Variants in ATG5 observed in about 807,000 individuals in gnomAD.
ATG5 encodes autophagy protein 5.
A neutral mutation model predicts 36.5 loss-of-function variants in ATG5; 14 were observed. The observed-to-expected ratio is 0.38, with a 90% CI of 0.25 to 0.60. ATG5 has a LOEUF of 0.60. Among genes scored for constraint, ATG5 ranks in the 20% least tolerant of loss-of-function variants. ATG5 has a pLI of 0.60. For synonymous variants in ATG5, 95 were observed against 101.5 expected (o/e 0.94, Z 0.38); for missense variants, 195 against 326.7 (o/e 0.60, Z 3.11).
chr6:106,252,673 C>T (rs916647718), intron 5 of ATG5, among the ~76,000 whole-genome samples: 1 of 152,166 alleles, frequency 6.6e-6, no homozygotes, highest in Admixed American at 6.5e-5. Context: ...TGTCTAAAAT[C>T]CCCCACGGGA....
intron 6 of ATG5, among the ~76,000 whole-genome samples, chr6:106,213,755 T>C (rs1776940014): frequency 6.6e-6 from 1 of 152,144 alleles, no homozygotes; most frequent in Non-Finnish European, 1.5e-5. Flanking sequence ...ACATCAACCT[T>C]TGGGAGTACT....
intron 5 of ATG5, among the ~76,000 whole-genome samples, chr6:106,251,975 G>A (rs1778610678): frequency 6.6e-6 from 1 of 151,910 alleles, no homozygotes; most frequent in South Asian, 2.1e-4. Flanking sequence ...CAAGTAGCTG[G>A]GGTTATAGGC....
rs752779737 is a variant in ATG5 at position 106,202,033 on chromosome 6, T to C, written c.630A>G (p.Gly210=). Residue 210 remains glycine, a synonymous_variant, in exon 7 of 8, where the codon GGA becomes GGG. Coordinates refer to ENST00000369076, the MANE Select transcript of ATG5 (RefSeq NM_004849.4). The part of the protein sequence containing the change: ...QKLFRPVAAD[G]QLHTLGDLLK... ...GGAGATCTCCTAGTGTGTGCAACTG[T>C]CCATCTGCAGCCACAGGACGAAACA... The C allele has an allele frequency of 1.7e-5, 28 of 1,613,900 alleles. No homozygotes were observed. The highest frequency in any genetic ancestry group is 2.4e-5 in the Non-Finnish European group (28 of 1,179,948).
intron 5 of ATG5, among the ~76,000 whole-genome samples, chr6:106,258,812 G>C (rs1008649471): frequency 6.6e-6 from 1 of 152,110 alleles, no homozygotes; most frequent in South Asian, 2.1e-4. Context: ...AAATTCCAGG[G>C]TTCTATGCTT....
At chr6:106,231,124 G>C (rs1001259973) in intron 6 of ATG5, among the ~76,000 whole-genome samples, 1 of 152,090 alleles carries the variant, frequency 6.6e-6, no homozygotes, top group Non-Finnish European at 1.5e-5. Flanking sequence ...CCCTCCAAGC[G>C]GTGGGAGGAG....
intron 7 of ATG5, among the ~76,000 whole-genome samples, chr6:106,201,268 AGTGTATATGT>A (rs1335658294): frequency 8.8e-4 from 98 of 111,144 alleles, no homozygotes; most frequent in Non-Finnish European, 1.3e-3. Flanking sequence ...CAAGTATTCA[AGTGTATATGT>A]GTGTGTGTGT....
chr6:106,296,685 G>A (rs902963977), intron 3 of ATG5, among the ~76,000 whole-genome samples: 2 of 152,154 alleles, frequency 1.3e-5, no homozygotes, highest in Non-Finnish European at 2.9e-5. Flanking sequence ...GGGCGTGGTC[G>A]CATGTGTCTG....
chr6:106,250,804 G>T (rs928951762), intron 5 of ATG5, among the ~76,000 whole-genome samples: 3 of 152,156 alleles, frequency 2.0e-5, no homozygotes, highest in Non-Finnish European at 4.4e-5. Flanking sequence ...ACTGGAAAAA[G>T]AAACATGATT....
At position 106,318,625 on chromosome 6, in the gene ATG5, A is replaced by T. The variant is rs539351427; in HGVS notation, c.-58-2359T>A. On this transcript the variant is annotated intron_variant, in intron 1 of 7. Coordinates refer to ENST00000369076, the MANE Select transcript of ATG5 (RefSeq NM_004849.4). ...GTTGCTTACATGTATATTTTTTGCAAGACCTCAAGGGAAGAACTAACTCAG... is the reference window on the plus strand; with the variant it reads ...GTTGCTTACATGTATATTTTTTGCATGACCTCAAGGGAAGAACTAACTCAG... Among the ~76,000 whole-genome samples the T allele has an allele frequency of 2.0e-5, 3 of 152,318 alleles. No individual in the cohort carries two copies. In the East Asian group the frequency reaches 5.8e-4, roughly 29 times the overall value.
chr6:106,216,973 AG>A (rs1777065463), intron 6 of ATG5, among the ~76,000 whole-genome samples: 1 of 151,226 alleles, frequency 6.6e-6, no homozygotes, highest in Non-Finnish European at 1.5e-5. Context: ...AAAAAAAAAA[AG>A]TTATCATATG....
intron 6 of ATG5, among the ~76,000 whole-genome samples, chr6:106,215,879 A>T (rs117781745): frequency 0.011 from 1,710 of 152,344 alleles, 19 homozygotes; most frequent in Middle Eastern, 0.041. Flanking sequence ...ACTATTCAGA[A>T]TATGTAAAGA....
At chr6:106,272,887 ATGGAAG>A (rs1240846152) in intron 5 of ATG5, among the ~76,000 whole-genome samples, 1 of 152,256 alleles carries the variant, frequency 6.6e-6, no homozygotes, top group African/African-American at 2.4e-5. Context: ...ATTTGTGGCA[ATGGAAG>A]AAAGAAAAAT....
At chr6:106,194,102 G>A (rs1040744346) in intron 7 of ATG5, among the ~76,000 whole-genome samples, 16 of 152,118 alleles carry the variant, frequency 1.1e-4, no homozygotes, top group Non-Finnish European at 1.9e-4. Context: ...CATTATTATT[G>A]CCCAAATCAA....
At chr6:106,188,639 G>T (rs1385458288) in intron 7 of ATG5, among the ~76,000 whole-genome samples, 1 of 152,196 alleles carries the variant, frequency 6.6e-6, no homozygotes, top group African/African-American at 2.4e-5. Context: ...TTGTACAACA[G>T]AAGCTGGAGG....
At chr6:106,321,329 T>C (rs1024300471) in intron 1 of ATG5, among the ~76,000 whole-genome samples, 22 of 152,100 alleles carry the variant, frequency 1.4e-4, no homozygotes, top group African/African-American at 5.1e-4. Context: ...CCCTCCTCTT[T>C]TGGCCAACTC....
chr6:106,189,153 ACCATGG>A (rs1231646548), intron 7 of ATG5, among the ~76,000 whole-genome samples: 2 of 152,218 alleles, frequency 1.3e-5, no homozygotes, highest in Admixed American at 1.3e-4. Flanking sequence ...AGCTAGCCCT[ACCATGG>A]AGAATAACTC....
intron 5 of ATG5, among the ~76,000 whole-genome samples, chr6:106,249,926 C>T (rs1176951157): frequency 6.6e-6 from 1 of 152,226 alleles, no homozygotes; most frequent in Non-Finnish European, 1.5e-5. Context: ...TATCAAATCA[C>T]TTTCCCTTTT....
rs574439714 is a variant in ATG5 at position 106,221,573 on chromosome 6, C to T, written c.574-19484G>A. On this transcript the variant is annotated intron_variant, in intron 6 of 7. Coordinates refer to ENST00000369076, the MANE Select transcript of ATG5 (RefSeq NM_004849.4). ...TGGTGGTGTGCGCCTGTAGTCCCAGCTACTAGAGAGGCTGAGGGAGGAGAA... is the reference window on the plus strand; with the variant it reads ...TGGTGGTGTGCGCCTGTAGTCCCAGTTACTAGAGAGGCTGAGGGAGGAGAA... 1.4e-4 allele frequency among the ~76,000 whole-genome samples: 21 copies of T among 151,538 alleles called. No individual in the cohort carries two copies. In the South Asian group the frequency reaches 4.4e-3, roughly 32 times the overall value.
chr6:106,311,278 C>CA (rs1241961253), intron 2 of ATG5, among the ~76,000 whole-genome samples: 1 of 151,842 alleles, frequency 6.6e-6, no homozygotes. Flanking sequence ...AAAAAAGATA[C>CA]AAAAAAACAA....
Sources: allele counts gnomAD v4.1 joint callset (sites outside exome capture counted in the v4.1 genomes callset), GRCh38; gene constraint gnomAD v4.1.1; transcripts MANE v1.5; gene names NCBI Gene and HGNC (gene_info 2026-07-23, HGNC 2026-07-21).